Variants in LINGO2 observed in about 807,000 individuals in gnomAD.
LINGO2 encodes the protein leucine-rich repeat and immunoglobulin-like domain-containing nogo receptor-interacting protein 2.
LINGO2 carries 14 observed loss-of-function variants against 30.6 expected under a neutral mutation model. The ratio of observed to expected loss-of-function variants is 0.46; its 90% confidence interval spans 0.30 to 0.72. The LOEUF (loss-of-function observed/expected upper bound fraction) is 0.72, where lower values mean the gene tolerates loss of function less well. Ranked by LOEUF, LINGO2 falls within the 30% of genes least tolerant of loss-of-function variation. The pLI, the probability that LINGO2 is intolerant of heterozygous loss-of-function variation, is 0.07. For synonymous variants in LINGO2, 317 were observed against 288.5 expected, an observed-to-expected ratio of 1.10 and a Z score of -1.00; for missense variants, 729 against 751.7, an observed-to-expected ratio of 0.97 and a Z score of 0.35.
At chr9:28,177,015 T>G (rs1382621614) in intron 4 of LINGO2, among the ~76,000 whole-genome samples, 1 of 152,188 alleles carries the variant, frequency 6.6e-6, no homozygotes, top group Non-Finnish European at 1.5e-5. Context: ...AGACTCTGAT[T>G]TGATTGCGAT....
At chr9:29,206,363 A>C in the LINGO2 span, among the ~76,000 whole-genome samples, 2 of 152,078 alleles carry the variant, frequency 1.3e-5, no homozygotes, top group Non-Finnish European at 2.9e-5. Context: ...GTTTACAATG[A>C]CTCCAATTAT....
At chr9:28,470,762 TG>T (rs34437751) in intron 2 of LINGO2, among the ~76,000 whole-genome samples, 1 of 151,890 alleles carries the variant, frequency 6.6e-6, no homozygotes, top group Admixed American at 6.6e-5. Flanking sequence ...AATTAGCTAA[TG>T]GAAAAGTCAA....
the LINGO2 span, among the ~76,000 whole-genome samples, chr9:29,194,588 T>C: frequency 6.6e-6 from 1 of 152,184 alleles, no homozygotes; most frequent in South Asian, 2.1e-4. Flanking sequence ...ATAGTCCCTA[T>C]GATCTCCAAA....
intron 5 of LINGO2, among the ~76,000 whole-genome samples, chr9:27,990,462 A>ACG (rs1554650617): frequency 1.7e-5 from 2 of 117,968 alleles, no homozygotes; most frequent in African/African-American, 5.9e-5. Flanking sequence ...TGGTCTCAAT[A>ACG]CCCCCCCCCC....
At chr9:28,498,166 C>G (rs1023089064) in intron 1 of LINGO2, among the ~76,000 whole-genome samples, 2 of 152,094 alleles carry the variant, frequency 1.3e-5, no homozygotes, top group Non-Finnish European at 2.9e-5. Flanking sequence ...GCTGGGAGAA[C>G]CGCTACTCTC....
intron 2 of LINGO2, among the ~76,000 whole-genome samples, chr9:28,436,217 C>A (rs1429721983): frequency 1.3e-5 from 2 of 152,028 alleles, no homozygotes; most frequent in African/African-American, 4.8e-5. Context: ...CTTAAATTTA[C>A]TCTTTATATA....
the LINGO2 span, among the ~76,000 whole-genome samples, chr9:28,938,758 G>T: frequency 6.6e-6 from 1 of 152,084 alleles, no homozygotes; most frequent in Non-Finnish European, 1.5e-5. Flanking sequence ...TATGATGTTT[G>T]CACAATGATG....
the LINGO2 span, among the ~76,000 whole-genome samples, chr9:29,118,394 T>C: frequency 6.6e-6 from 1 of 152,176 alleles, no homozygotes; most frequent in Non-Finnish European, 1.5e-5. Context: ...GGATATTTTC[T>C]GAATCAAGAA....
intron 4 of LINGO2, among the ~76,000 whole-genome samples, chr9:28,072,290 G>C (rs566192990): frequency 5.3e-5 from 8 of 152,290 alleles, no homozygotes; most frequent in African/African-American, 1.9e-4. Flanking sequence ...AGAAAATGCA[G>C]CTGCAAGCAC....
At position 28,109,198 on chromosome 9, in the gene LINGO2, C is replaced by T. The variant is rs185836161; in HGVS notation, c.-86-96793G>A. Reference sequence around the variant, plus strand: ...ACTCCTTCAATAAAATTCAACATCCCTTCATGTTAAAAACACTCAATAAAT... The same window carrying T: ...ACTCCTTCAATAAAATTCAACATCCTTTCATGTTAAAAACACTCAATAAAT... On this transcript the variant is annotated intron_variant, in intron 4 of 5. Coordinates refer to ENST00000379992, the Ensembl canonical transcript of LINGO2. Among the ~76,000 whole-genome samples, 155 of 152,274 alleles carry T rather than the reference C, an allele frequency of 1.0e-3. No homozygotes were observed. The Middle Eastern group carries it at 0.01, about 10-fold the overall frequency.
the LINGO2 span, among the ~76,000 whole-genome samples, chr9:28,927,580 A>T: frequency 6.6e-6 from 1 of 152,178 alleles, no homozygotes; most frequent in African/African-American, 2.4e-5. Flanking sequence ...ATAAATTCTT[A>T]CCCCTCAGGA....
chr9:28,033,000 C>T (rs906139580), intron 4 of LINGO2, among the ~76,000 whole-genome samples: 20 of 152,152 alleles, frequency 1.3e-4, no homozygotes, highest in Non-Finnish European at 2.5e-4. Context: ...GAAATCCTTG[C>T]GGCTCTCAAA....
intron 5 of LINGO2, among the ~76,000 whole-genome samples, chr9:27,983,962 G>C (rs999449005): frequency 6.6e-6 from 1 of 151,828 alleles, no homozygotes; most frequent in Non-Finnish European, 1.5e-5. Context: ...TTCCAGGGCT[G>C]TGCAGTGGAA....
At chr9:28,546,187 A>C (rs545403599) in intron 1 of LINGO2, among the ~76,000 whole-genome samples, 95 of 152,204 alleles carry the variant, frequency 6.2e-4, no homozygotes, top group African/African-American at 2.3e-3. Context: ...TTTTCTTTTA[A>C]TATAAATAGG....
the LINGO2 span, among the ~76,000 whole-genome samples, chr9:28,958,381 T>G: frequency 6.6e-6 from 1 of 152,016 alleles, no homozygotes; most frequent in African/African-American, 2.4e-5. Context: ...AGACAACACA[T>G]GAATTCAGAC....
chr9:28,812,817 A>G, the LINGO2 span, among the ~76,000 whole-genome samples: 3 of 152,144 alleles, frequency 2.0e-5, no homozygotes, highest in African/African-American at 7.2e-5. Flanking sequence ...TTTGGAGGCA[A>G]AAAGCAATCC....
intron 4 of LINGO2, among the ~76,000 whole-genome samples, chr9:28,037,064 T>G: frequency 6.6e-6 from 1 of 152,214 alleles, no homozygotes. Context: ...GCTTGGCTTA[T>G]TGTGGATGAA....
At chr9:28,032,258 T>C (rs1183214503) in intron 4 of LINGO2, among the ~76,000 whole-genome samples, 1 of 152,134 alleles carries the variant, frequency 6.6e-6, no homozygotes, top group African/African-American at 2.4e-5. Flanking sequence ...GGCTGTTTTC[T>C]CTTGGTACTT....
the LINGO2 span, among the ~76,000 whole-genome samples, chr9:29,084,940 C>G: frequency 6.6e-6 from 1 of 151,820 alleles, no homozygotes; most frequent in African/African-American, 2.4e-5. Flanking sequence ...AATGCAATAA[C>G]TCGATAGAAA....
Sources: allele counts gnomAD v4.1 joint callset (sites outside exome capture counted in the v4.1 genomes callset), GRCh38; gene constraint gnomAD v4.1.1; transcripts MANE v1.5; gene names NCBI Gene and HGNC (gene_info 2026-07-23, HGNC 2026-07-21).